Variants in CYB5R4 observed in about 807,000 individuals in gnomAD.
CYB5R4 encodes the protein cytochrome b5 reductase 4, also known as N-terminal cytochrome b5 and cytochrome b5 oxidoreductase domain-containing protein.
Under a neutral mutation model 70.2 loss-of-function variants are expected in CYB5R4, and 55 were observed. The ratio of observed to expected loss-of-function variants is 0.78; its 90% CI spans 0.63 to 0.98. CYB5R4 has a LOEUF of 0.98. Among genes scored for constraint, CYB5R4 ranks in the 50% least tolerant of loss-of-function variants. The pLI, the probability that CYB5R4 is intolerant of heterozygous loss-of-function variation, is 0.00. For missense variants in CYB5R4, 562 were observed against 612.6 expected (o/e 0.92, Z 0.87); for synonymous variants, 197 against 199.5 (o/e 0.99, Z 0.11).
intron 10 of CYB5R4, among the ~76,000 whole-genome samples, chr6:83,933,137 C>T (rs9449726): frequency 0.027 from 4,043 of 152,226 alleles, 194 homozygotes; most frequent in African/African-American, 0.092. Flanking sequence ...GTGCATGGGC[C>T]TATGTCCTTT....
intron 2 of CYB5R4, among the ~76,000 whole-genome samples, chr6:83,876,815 A>G (rs1226141941): frequency 6.6e-6 from 1 of 152,100 alleles, no homozygotes; most frequent in Non-Finnish European, 1.5e-5. Context: ...TTGTTGATCC[A>G]GATTTCTGCT....
intron 2 of CYB5R4, among the ~76,000 whole-genome samples, chr6:83,877,582 C>T (rs2099458773): frequency 6.6e-6 from 1 of 151,970 alleles, no homozygotes; most frequent in African/African-American, 2.4e-5. Flanking sequence ...GTGCCAGGCT[C>T]CTTTTGACAA....
intron 2 of CYB5R4, among the ~76,000 whole-genome samples, chr6:83,867,361 G>A (rs2099456894): frequency 6.6e-6 from 1 of 152,222 alleles, no homozygotes; most frequent in Non-Finnish European, 1.5e-5. Flanking sequence ...AGGAAGGCTG[G>A]AAAGGTATGT....
intron 10 of CYB5R4, among the ~76,000 whole-genome samples, chr6:83,931,849 G>A (rs540605949): frequency 6.6e-6 from 1 of 151,034 alleles, no homozygotes; most frequent in Non-Finnish European, 1.5e-5. Context: ...TGTGTACAAT[G>A]TGCAGGTTTG....
At chr6:83,929,264 T>C (rs1341744332) in intron 10 of CYB5R4, among the ~76,000 whole-genome samples, 2 of 152,208 alleles carry the variant, frequency 1.3e-5, no homozygotes. Context: ...AATTATGTGG[T>C]TCCTAGATTT....
At chr6:83,891,100 A>G (rs2099461064) in intron 2 of CYB5R4, among the ~76,000 whole-genome samples, 1 of 152,050 alleles carries the variant, frequency 6.6e-6, no homozygotes, top group Non-Finnish European at 1.5e-5. Context: ...ACACTCCACC[A>G]TGCCTGGCTA....
chr6:83,889,590 A>T (rs1023296051), intron 2 of CYB5R4, among the ~76,000 whole-genome samples: 4 of 152,224 alleles, frequency 2.6e-5, no homozygotes, highest in African/African-American at 9.6e-5. Flanking sequence ...CTACTCATTG[A>T]CAATGCAACT....
chr6:83,935,760 A>G (rs1347785335), intron 11 of CYB5R4, among the ~76,000 whole-genome samples: 2 of 152,180 alleles, frequency 1.3e-5, no homozygotes, highest in Non-Finnish European at 2.9e-5. Flanking sequence ...TAAAGTAAAA[A>G]GTGAAATTTC....
intron 14 of CYB5R4, among the ~76,000 whole-genome samples, chr6:83,950,157 T>A (rs1015056553): frequency 5.3e-5 from 8 of 152,162 alleles, no homozygotes; most frequent in Non-Finnish European, 1.2e-4. Context: ...TATTTCAATC[T>A]GATTTTCATG....
intron 10 of CYB5R4, among the ~76,000 whole-genome samples, chr6:83,928,363 G>C (rs1052766015): frequency 1.3e-5 from 2 of 152,136 alleles, no homozygotes; most frequent in Non-Finnish European, 2.9e-5. Flanking sequence ...GGCCGACAAG[G>C]ACAAGTTATA....
In CYB5R4 at chr6:83,964,889, A is replaced by G. The variant is rs746856848; in HGVS notation, c.*5011A>G. On this transcript the variant is annotated 3_prime_UTR_variant, in exon 16 of 16. Transcript: ENST00000369681. ...CCATGGCTGAAAGGGGCCAACATGA[A>G]GCTCAGGCCATGGCTTCAGAGGGTG... The G allele has an allele frequency of 1.3e-5, 2 of 152,316 alleles. No homozygotes were observed. Among genetic ancestry groups the G allele is most frequent in the Non-Finnish European group, 2.9e-5 (2 of 68,124 alleles). The allele number at this position is 152,316 out of a possible 1,614,324, so 9.4% of individuals were successfully genotyped here. A position where few individuals can be genotyped will look rare whatever the true frequency, so the allele number is the denominator to read the frequency against.
At chr6:83,888,466 T>C (rs1344081352) in intron 2 of CYB5R4, among the ~76,000 whole-genome samples, 1 of 152,180 alleles carries the variant, frequency 6.6e-6, no homozygotes, top group African/African-American at 2.4e-5. Flanking sequence ...CTTGCAAACT[T>C]TTTCATTATT....
At chr6:83,956,262 G>A (rs2099472408) in intron 15 of CYB5R4, among the ~76,000 whole-genome samples, 1 of 152,128 alleles carries the variant, frequency 6.6e-6, no homozygotes, top group African/African-American at 2.4e-5. Flanking sequence ...CAAGGTGGTC[G>A]GGGCATAGCT....
intron 13 of CYB5R4, 152 bp from the exon 14 acceptor site, chr6:83,940,363 A>C: frequency 9.8e-7 from 1 of 1,017,184 alleles, no homozygotes; most frequent in Non-Finnish European, 1.4e-6. Context: ...TATTTTATTA[A>C]CTAGGTTCTT....
chr6:83,921,290 T>A, intron 8 of CYB5R4, 115 bp downstream of exon 8: 1 of 963,022 alleles, frequency 1.0e-6, no homozygotes, highest in Non-Finnish European at 1.4e-6. Flanking sequence ...CATTTTGGTT[T>A]GTCATTTTTG....
chr6:83,881,181 T>C (rs922167164), intron 2 of CYB5R4, among the ~76,000 whole-genome samples: 2 of 152,014 alleles, frequency 1.3e-5, no homozygotes, highest in East Asian at 1.9e-4. Context: ...TTCTTTCTTT[T>C]TTTTTTCTTT....
chr6:83,914,463 T>G lies in CYB5R4; in HGVS notation c.445+15T>G. 1 of 1,499,260 alleles carries G rather than the reference T, an allele frequency of 6.7e-7. No homozygotes were observed. 92.9% of individuals were successfully genotyped at this position (1,499,260 alleles called of 1,614,324 possible). ...AGTCTTAAATGGTAAGTCTATAAATTTATAATAAATGAATCATATTCACAT... is the reference window on the plus strand; with the variant it reads ...AGTCTTAAATGGTAAGTCTATAAATGTATAATAAATGAATCATATTCACAT... On this transcript the variant is annotated intron_variant, in intron 5 of 15. Coordinates refer to ENST00000369681, the MANE Select transcript of CYB5R4 (RefSeq NM_016230.4).
intron 5 of CYB5R4, 25 bp downstream of exon 5, chr6:83,914,473 T>C: frequency 1.3e-6 from 2 of 1,486,550 alleles, no homozygotes. Context: ...TTATAATAAA[T>C]GAATCATATT....
At chr6:83,873,006 C>T (rs2099457889) in intron 2 of CYB5R4, among the ~76,000 whole-genome samples, 1 of 152,092 alleles carries the variant, frequency 6.6e-6, no homozygotes, top group Admixed American at 6.6e-5. Flanking sequence ...GCCACTGTTT[C>T]AATTTAGGCA....
Sources: allele counts gnomAD v4.1 joint callset (sites outside exome capture counted in the v4.1 genomes callset), GRCh38; gene constraint gnomAD v4.1.1; transcripts MANE v1.5; gene names NCBI Gene and HGNC (gene_info 2026-07-23, HGNC 2026-07-21).